The following KRT6C variants were observed in gnomAD, a reference collection of about 807,000 sequenced individuals.
KRT6C encodes keratin, type II cytoskeletal 6C.
In KRT6C, 46 loss-of-function variants were observed where a neutral mutation model predicts 49.4. That is an observed-to-expected ratio of 0.93 (90% CI 0.74 to 1.19). The LOEUF (loss-of-function observed/expected upper bound fraction) is 1.19, where lower values mean the gene tolerates loss of function less well. KRT6C is among the 50% of genes most tolerant of loss of function. KRT6C has a pLI of 0.00. For synonymous variants in KRT6C, 236 were observed against 297.1 expected (o/e 0.79, Z 2.12); for missense variants, 552 against 737.5 (o/e 0.75, Z 2.91).
Position 52,469,302 on chromosome 12 carries a change from G to C in KRT6C, c.1460-5C>G. 1 of 1,613,986 alleles carries C rather than the reference G, an allele frequency of 6.2e-7. No individual in the cohort carries two copies. The highest frequency in any genetic ancestry group is 1.1e-5 in the South Asian group (1 of 91,074). On this transcript the variant is annotated splice_polypyrimidine_tract_variant and splice_region_variant and intron_variant, in intron 8 of 8. Coordinates refer to ENST00000252250, the MANE Select transcript of KRT6C (RefSeq NM_173086.5). ...AGATGGTGGACTGTACTACAGCTGT[G>C]GTGGGGAGGGGACAAGGACACAAGA... is the stretch of plus-strand genomic sequence containing the variant.
At position 52,469,484 on chromosome 12, in the gene KRT6C, G is replaced by A. The variant is rs763565364; in HGVS notation, c.1425-39C>T. 3.7e-6 allele frequency: 6 copies of A among 1,613,978 alleles called. No homozygotes were observed. In the South Asian group the frequency reaches 5.5e-5, roughly 15 times the overall value. ...CACAGGGAGGGTGAGACCTCAGAGA[G>A]CTCTTCCTTCCCTGGACCAGTGTGG... On this transcript the variant is annotated intron_variant, in intron 7 of 8. Coordinates refer to ENST00000252250, the MANE Select transcript of KRT6C (RefSeq NM_173086.5).
chr12:52,469,334 G>T (rs373633384), intron 8 of KRT6C, 37 bp from the exon 9 acceptor site: 57 of 1,613,876 alleles, frequency 3.5e-5, no homozygotes, highest in Non-Finnish European at 4.2e-6. Context: ...AAGAAGCCAC[G>T]GTGAGCTCAT....
intron 6 of KRT6C, 88 bp downstream of exon 6, chr12:52,470,417 T>A (rs1937854633): frequency 1.4e-5 from 22 of 1,610,824 alleles, no homozygotes; most frequent in Non-Finnish European, 1.9e-5. Flanking sequence ...GGTTTACGTT[T>A]CAGGAATTAT....
chr12:52,469,977 C>A lies in KRT6C; in HGVS notation c.1204-87G>T. The A allele has an allele frequency of 6.3e-6, 9 of 1,425,568 alleles. No homozygotes were observed. In the South Asian group the frequency reaches 1.1e-4, roughly 17 times the overall value. 88.3% of individuals were successfully genotyped at this position (1,425,568 alleles called of 1,614,324 possible). ...GTTTAGTGAACCAGGGTCCTGTAACCCAAAATTGACAGAGAATGAGCTTTG... is the reference window on the plus strand; with the variant it reads ...GTTTAGTGAACCAGGGTCCTGTAACACAAAATTGACAGAGAATGAGCTTTG... On this transcript the variant is annotated intron_variant, in intron 6 of 8. Coordinates refer to ENST00000252250, the MANE Select transcript of KRT6C (RefSeq NM_173086.5).
At position 52,472,179 on chromosome 12, in the gene KRT6C, G is replaced by T. The variant is rs773905606; in HGVS notation, c.642C>A (p.Phe214Leu). The change falls in exon 2 of 9, where the codon TTC (phenylalanine) becomes TTA (leucine). Residue 214 changes from phenylalanine to leucine, a missense_variant. Phe to Leu is a conservative substitution (Grantham distance 22). This residue lies in a region of KRT6C where 54 missense variants were observed against 195.9 expected (regional missense o/e 0.28). Transcript: ENST00000252250. ...KTVRQNLEPLFEQYINNLRRQ... is the reference protein window; with the variant it reads ...KTVRQNLEPLLEQYINNLRRQ... ...TCCTGAGGTTGTTGATGTACTGCTC[G>T]AACAACGGCTCCAGGTTCTGCCTCA... 1.2e-5 allele frequency: 18 copies of T among 1,485,222 alleles called. 3 individuals carry two copies. The highest frequency in any genetic ancestry group is 1.7e-5 in the Non-Finnish European group (18 of 1,071,830). 92.0% of individuals were successfully genotyped at this position (1,485,222 alleles called of 1,614,324 possible).
At position 52,469,927 on chromosome 12, in the gene KRT6C, G is replaced by C. The variant is rs773953974; in HGVS notation, c.1204-37C>G. Reference sequence around the variant, plus strand: ...AAGGAAGAGAAGGAACTTCTTGTCTGCTCCTCCGGAGGAGGCTGGCCCTTG... The same window carrying C: ...AAGGAAGAGAAGGAACTTCTTGTCTCCTCCTCCGGAGGAGGCTGGCCCTTG... On this transcript the variant is annotated intron_variant, in intron 6 of 8. Coordinates refer to ENST00000252250, the MANE Select transcript of KRT6C (RefSeq NM_173086.5). 7.4e-6 allele frequency: 12 copies of C among 1,611,182 alleles called. No homozygotes were observed. The African/African-American group carries it at 1.5e-4, about 20-fold the overall frequency.
intron 5 of KRT6C, 90 bp downstream of exon 5, chr12:52,471,042 G>C (rs1471964748): frequency 1.2e-6 from 2 of 1,603,560 alleles, no homozygotes; most frequent in African/African-American, 1.3e-5. Context: ...CCAGCTTCCT[G>C]TCAGGGGATG....
rs1165272133 is a variant in KRT6C at position 52,473,686 on chromosome 12, A to G, written c.52T>C (p.Phe18Leu). The part of the protein sequence containing the change: ...IRSHSSSRRG[F>L]SANSARLPGV... ...GGGAGCCTGGCTGAGTTGGCACTGA[A>G]ACCCCGGCGGCTGCTGCTGTGGCTC... is the stretch of plus-strand genomic sequence containing the variant. Residue 18 changes from phenylalanine (F) to leucine (L), a missense_variant, in exon 1 of 9, where the codon TTC (phenylalanine) becomes CTC (leucine). Around this residue, in one of 3 missense-constraint regions of KRT6C, gnomAD observed 73 missense variants for 102.1 expected, o/e 0.71. Coordinates refer to ENST00000252250, the MANE Select transcript of KRT6C (RefSeq NM_173086.5). 1 of 1,613,430 alleles carries G rather than the reference A, an allele frequency of 6.2e-7. No homozygotes were observed. The highest frequency in any genetic ancestry group is 2.2e-5 in the East Asian group (1 of 44,846).
In KRT6C at chr12:52,471,427, A is replaced by G. The variant is rs762898698; in HGVS notation, c.906T>C (p.Tyr302=). 1 of 1,613,886 alleles carries G rather than the reference A, an allele frequency of 6.2e-7. No homozygotes were observed. The highest frequency in any genetic ancestry group is 1.3e-5 in the African/African-American group (1 of 74,894). Residue 302 remains tyrosine, a synonymous_variant, in exon 4 of 9, where the codon TAT becomes TAC. Coordinates refer to ENST00000252250, the MANE Select transcript of KRT6C (RefSeq NM_173086.5). ...TDEINFLRAL[Y]DAELSQMQTH... is the part of the protein sequence containing the mutation. ...GGATGGTGGAGATGCTTACTGCATC[A>G]TACAAGGCTCTCAGGAAGTTGATCT...
intron 6 of KRT6C, chr12:52,470,153 T>C (rs1200820652): frequency 6.5e-6 from 4 of 610,858 alleles, no homozygotes; most frequent in Non-Finnish European, 8.6e-6. Context: ...AAACAAGCCA[T>C]ATGGAAGATG....
chr12:52,472,410 G>T lies in KRT6C; in HGVS notation c.541-130C>A, dbSNP rs1312388954. On this transcript the variant is annotated intron_variant, in intron 1 of 8. Coordinates refer to ENST00000252250, the MANE Select transcript of KRT6C (RefSeq NM_173086.5). ...ACTACAGTGCATGTGGAGAGGCTCA[G>T]GCTGAGCTCTGCTCCCCCAACCCCT... is the stretch of plus-strand genomic sequence containing the variant. 4 of 885,852 alleles carry T rather than the reference G, an allele frequency of 4.5e-6. 1 individual carries two copies. In the African/African-American group the frequency reaches 6.0e-5, roughly 13 times the overall value. 54.9% of individuals were successfully genotyped at this position (885,852 alleles called of 1,614,324 possible).
At position 52,468,710 on chromosome 12, in the gene KRT6C, AG is replaced by A. The variant is rs1414369415; in HGVS notation, c.*351del. On this transcript the variant is annotated 3_prime_UTR_variant, in exon 9 of 9. Transcript: ENST00000252250. ...AATAAGTGGAAGTTGTTCTGAAATA[AG>A]CCCCAGGCGATTTTCAGTAATGAAA... The A allele has an allele frequency of 3.2e-6, 1 of 308,300 alleles. No individual in the cohort carries two copies. The highest frequency in any genetic ancestry group is 2.1e-5 in the African/African-American group (1 of 47,396). The allele number at this position is 308,300 out of a possible 1,614,324, so 19.1% of individuals were successfully genotyped here. A position where few individuals can be genotyped will look rare whatever the true frequency, so the allele number is the denominator to read the frequency against.
rs1937820150 is a variant in KRT6C, at chr12:52,468,939, C to T, written c.*123G>A. 1.6e-6 allele frequency: 2 copies of T among 1,279,588 alleles called. No individual in the cohort carries two copies. Among genetic ancestry groups the T allele is most frequent in the Admixed American group, 2.0e-5 (1 of 49,162 alleles). 79.3% of individuals were successfully genotyped at this position (1,279,588 alleles called of 1,614,324 possible). A position where few individuals can be genotyped will look rare whatever the true frequency, so the allele number is the denominator to read the frequency against. Reference sequence around the variant, plus strand: ...GAAGTGAGGGCACTAAGCATCCATACCCAGCTCTACCTCGGAGAGCAGGGA... The same window carrying T: ...GAAGTGAGGGCACTAAGCATCCATATCCAGCTCTACCTCGGAGAGCAGGGA... On this transcript the variant is annotated 3_prime_UTR_variant, in exon 9 of 9. Transcript: ENST00000252250.
chr12:52,470,433 A>G, intron 6 of KRT6C, 72 bp downstream of exon 6: 2 of 1,613,078 alleles, frequency 1.2e-6, no homozygotes, highest in Non-Finnish European at 1.7e-6. Context: ...ATTATATCAA[A>G]TAATGGCTAA....
chr12:52,470,320 C>A (rs1937852695), intron 6 of KRT6C, 185 bp downstream of exon 6: 3 of 1,068,146 alleles, frequency 2.8e-6, no homozygotes, highest in Non-Finnish European at 4.1e-6. Context: ...GCTTGTGCCT[C>A]AGAGGCTCAT....
At position 52,471,116 on chromosome 12, in the gene KRT6C, C is replaced by T. The variant is rs779832452; in HGVS notation, c.1077+16G>A. 11 of 1,614,180 alleles carry T rather than the reference C, an allele frequency of 6.8e-6. No homozygotes were observed. The highest frequency in any genetic ancestry group is 3.3e-5 in the South Asian group (3 of 91,078). ...GGACACAAGGATTCCTCAGCAGCTG[C>T]CCACTCCCTGCTCACCTTGGTCTGG... On this transcript the variant is annotated intron_variant, in intron 5 of 8. Transcript: ENST00000252250.
At chr12:52,470,666 C>G (rs201353060) in intron 5 of KRT6C, 36 bp from the exon 6 acceptor site, 1 of 1,613,558 alleles carries the variant, frequency 6.2e-7, no homozygotes. Flanking sequence ...ACAGTGTCTA[C>G]GGGTTCTTAC....
chr12:52,470,119 T>C, intron 6 of KRT6C: 1 of 640,422 alleles, frequency 1.6e-6, no homozygotes, highest in Non-Finnish European at 2.7e-6. Flanking sequence ...TTGCATCTTA[T>C]GGGAGACACT....
intron 1 of KRT6C, among the ~76,000 whole-genome samples, chr12:52,472,536 T>C (rs1937906550): frequency 7.4e-6 from 1 of 134,932 alleles, no homozygotes; most frequent in Non-Finnish European, 1.7e-5. Flanking sequence ...TTTCAACATT[T>C]CTTCTCTTCT....
Sources: gnomAD v4.1 joint callset for allele counts (sites outside exome capture counted in the v4.1 genomes callset) on GRCh38, gnomAD v4.1.1 for gene constraint, gnomAD v4.1.1 regional missense constraint, MANE v1.5 for transcripts, NCBI Gene and HGNC (gene_info 2026-07-23, HGNC 2026-07-21) for gene names.